INPP4A: variants seen among roughly 807,000 people sequenced by gnomAD.
INPP4A encodes inositol polyphosphate-4-phosphatase, type I, 107kD.
A neutral mutation model predicts 119.8 loss-of-function variants in INPP4A; 33 were observed. That is an observed-to-expected ratio of 0.28 (90% CI 0.21 to 0.37). The LOEUF (loss-of-function observed/expected upper bound fraction) is 0.37, where lower values mean the gene tolerates loss of function less well. Among genes scored for constraint, INPP4A ranks in the 10% least tolerant of loss-of-function variants. The probability of loss-of-function intolerance (pLI) is 1.00; values close to 1 mark genes in which losing one functional copy is unlikely to be tolerated. For missense variants in INPP4A, 956 were observed against 1,289.9 expected (o/e 0.74, Z 3.97); for synonymous variants, 496 against 500.7 (o/e 0.99, Z 0.12).
chr2:98,497,779 C>T (rs1682323264), intron 1 of INPP4A, among the ~76,000 whole-genome samples: 1 of 152,174 alleles, frequency 6.6e-6, no homozygotes, highest in Non-Finnish European at 1.5e-5. Context: ...CCTCTTGCAT[C>T]AGCATGACCT....
At chr2:98,522,367 G>T (rs879795749) in intron 4 of INPP4A, among the ~76,000 whole-genome samples, 1 of 151,200 alleles carries the variant, frequency 6.6e-6, no homozygotes, top group African/African-American at 2.4e-5. Flanking sequence ...ACAAAACCAG[G>T]ACACTATAAA....
chr2:98,542,898 C>A (rs1038488595), intron 10 of INPP4A, among the ~76,000 whole-genome samples: 1 of 151,738 alleles, frequency 6.6e-6, no homozygotes, highest in African/African-American at 2.4e-5. Flanking sequence ...AGTGACACAG[C>A]GGGCCACTTT....
chr2:98,562,493 G>A (rs937191265), intron 17 of INPP4A, among the ~76,000 whole-genome samples: 14 of 152,144 alleles, frequency 9.2e-5, no homozygotes, highest in Admixed American at 2.6e-4. Context: ...CCTGAGTGCC[G>A]TGCCGGGACA....
intron 1 of INPP4A, among the ~76,000 whole-genome samples, chr2:98,515,569 C>T (rs1390305120): frequency 6.6e-6 from 1 of 152,198 alleles, no homozygotes; most frequent in Admixed American, 6.5e-5. Context: ...AAAAATCACT[C>T]TGAGCATCCG....
chr2:98,581,285 GT>G (rs533596452), intron 24 of INPP4A, among the ~76,000 whole-genome samples: 450 of 152,250 alleles, frequency 3.0e-3, no homozygotes, highest in Non-Finnish European at 5.2e-3. Flanking sequence ...CAACCTACAT[GT>G]GTTTATTTTC....
At chr2:98,445,127 G>GGGGGCC (rs1225352375) in intron 1 of INPP4A, 42 bp downstream of exon 1, 16 of 151,172 alleles carry the variant, frequency 1.1e-4, no homozygotes, top group Non-Finnish European at 1.9e-4. Context: ...CGGCCGCCGC[G>GGGGGCC]GGGGCCGGGG....
chr2:98,469,797 T>C (rs556002721), intron 1 of INPP4A, among the ~76,000 whole-genome samples: 1 of 152,096 alleles, frequency 6.6e-6, no homozygotes, highest in African/African-American at 2.4e-5. Context: ...AGAAAGAAAT[T>C]CCGTCTCAAA....
At chr2:98,539,760 G>T in intron 10 of INPP4A, 85 bp downstream of exon 10, 1 of 1,366,992 alleles carries the variant, frequency 7.3e-7, no homozygotes, top group South Asian at 1.4e-5. Context: ...CAGAGCACTG[G>T]CATCAGATAG....
At chr2:98,515,911 T>C (rs1167333256) in intron 1 of INPP4A, among the ~76,000 whole-genome samples, 3 of 152,234 alleles carry the variant, frequency 2.0e-5, no homozygotes, top group Non-Finnish European at 2.9e-5. Context: ...CAGGGTTTAC[T>C]GTCCACTTGA....
chr2:98,527,261 A>G (rs1399442454), intron 4 of INPP4A, among the ~76,000 whole-genome samples: 1 of 152,142 alleles, frequency 6.6e-6, no homozygotes, highest in Non-Finnish European at 1.5e-5. Flanking sequence ...GAGAGTTATC[A>G]TTATTTGGCC....
In INPP4A at chr2:98,566,186, C is replaced by T. The variant is rs201268462; in HGVS notation, c.2420+17C>T. On this transcript the variant is annotated intron_variant, in intron 21 of 24. Transcript: ENST00000409851. The surrounding 1 kb of genome is among the most constrained non-coding windows in gnomAD (Gnocchi z 4.2). ...GGCCGAGAGGTGCGTGCCGGCTCCT[C>T]GGGGCTGCGGGGGTGTGGTGGCCCT... 4.4e-5 allele frequency: 69 copies of T among 1,562,446 alleles called. No homozygotes were observed. Among genetic ancestry groups the T allele is most frequent in the Non-Finnish European group, 5.5e-5 (63 of 1,150,438 alleles).
intron 24 of INPP4A, among the ~76,000 whole-genome samples, chr2:98,585,492 A>C (rs1699848336): frequency 6.6e-6 from 1 of 152,246 alleles, no homozygotes; most frequent in Non-Finnish European, 1.5e-5. Flanking sequence ...CCTAAAAAGT[A>C]TGCAGCCGAC....
chr2:98,475,488 A>C (rs186442375), intron 1 of INPP4A, among the ~76,000 whole-genome samples: 1 of 152,366 alleles, frequency 6.6e-6, no homozygotes, highest in African/African-American at 2.4e-5. Flanking sequence ...GAGGGAGCAT[A>C]AGCCTTGGAG....
chr2:98,520,031 A>T lies in INPP4A; in HGVS notation c.-18A>T, dbSNP rs917254647. On this transcript the variant is annotated 5_prime_UTR_variant, in exon 3 of 25. Coordinates refer to ENST00000409851, the MANE Select transcript of INPP4A (RefSeq NM_001134225.2). Reference sequence around the variant, plus strand: ...GGTCTGACCGAGGATCAAGAAGCACATCATCACCAATGACATCATGACAGC... The same window carrying T: ...GGTCTGACCGAGGATCAAGAAGCACTTCATCACCAATGACATCATGACAGC... 12 of 1,562,568 alleles carry T rather than the reference A, an allele frequency of 7.7e-6. No homozygotes were observed. The highest frequency in any genetic ancestry group is 1.0e-5 in the Non-Finnish European group (12 of 1,150,154).
chr2:98,484,690 G>A (rs1679186428), intron 1 of INPP4A, among the ~76,000 whole-genome samples: 1 of 152,164 alleles, frequency 6.6e-6, no homozygotes, highest in South Asian at 2.1e-4. Flanking sequence ...CCATCTCCCA[G>A]TGCTTAACAT....
At chr2:98,548,229 C>T (rs1241845389) in intron 13 of INPP4A, among the ~76,000 whole-genome samples, 1 of 152,180 alleles carries the variant, frequency 6.6e-6, no homozygotes, top group Non-Finnish European at 1.5e-5. Flanking sequence ...GGAGGAGAAA[C>T]AGGGAAGGGG....
chr2:98,560,081 C>T (rs1695190616), intron 17 of INPP4A, among the ~76,000 whole-genome samples: 1 of 152,146 alleles, frequency 6.6e-6, no homozygotes, highest in African/African-American at 2.4e-5. Context: ...GCAGAGAACC[C>T]GTGGCCTTCA....
rs913813156 is a variant in INPP4A at position 98,591,928 on chromosome 2, C to T, written c.*4320C>T. On this transcript the variant is annotated 3_prime_UTR_variant, in exon 25 of 25. Coordinates refer to ENST00000409851, the MANE Select transcript of INPP4A (RefSeq NM_001134225.2). ...GTGTTCCTAATGTTGTAGTAATGAG[C>T]AGTAGATGTCTCTCAGTGGGCAGTG... 1 of 152,180 alleles carries T rather than the reference C, an allele frequency of 6.6e-6. No individual in the cohort carries two copies. Among genetic ancestry groups the T allele is most frequent in the African/African-American group, 2.4e-5 (1 of 41,420 alleles). The allele number at this position is 152,180 out of a possible 1,614,324, so 9.4% of individuals were successfully genotyped here.
Position 98,568,179 on chromosome 2 carries a change from T to C in INPP4A, c.2421-392T>C, listed in dbSNP as rs533175519. Among the ~76,000 whole-genome samples, 5 of 152,264 alleles carry C rather than the reference T, an allele frequency of 3.3e-5. No individual in the cohort carries two copies. In the South Asian group the frequency reaches 8.3e-4, roughly 25 times the overall value. ...TCTGCACACAGAGAGTGACTTCAGA[T>C]TGGAGTACAGGGCTGCATCCTCACC... On this transcript the variant is annotated intron_variant, in intron 21 of 24. Coordinates refer to ENST00000409851, the MANE Select transcript of INPP4A (RefSeq NM_001134225.2).
Sources: gnomAD v4.1 joint callset for allele counts (sites outside exome capture counted in the v4.1 genomes callset) on GRCh38, gnomAD v4.1.1 for gene constraint, Gnocchi (gnomAD v3.1) non-coding constraint, MANE v1.5 for transcripts, NCBI Gene and HGNC (gene_info 2026-07-23, HGNC 2026-07-21) for gene names.